The following NBEA variants were observed in gnomAD, a reference collection of about 807,000 sequenced individuals.
The protein encoded by NBEA is lysosomal-trafficking regulator 2.
In NBEA, 44 loss-of-function variants were observed where a neutral mutation model predicts 343.4. That is an observed-to-expected ratio of 0.13 (90% CI 0.10 to 0.16). The LOEUF (loss-of-function observed/expected upper bound fraction) is 0.16. NBEA is among the 10% of genes least tolerant of loss of function. NBEA has a pLI of 1.00. For synonymous variants in NBEA, 1,175 were observed against 1,238.7 expected, an observed-to-expected ratio of 0.95 and a Z score of 1.08; for missense variants, 2,555 against 3,631.3, an observed-to-expected ratio of 0.70 and a Z score of 7.62.
intron 1 of NBEA, among the ~76,000 whole-genome samples, chr13:34,958,526 C>A (rs186450004): frequency 0.047 from 7,121 of 151,918 alleles, 252 homozygotes; most frequent in Non-Finnish European, 0.069. Context: ...AAAATTGGGT[C>A]AGGATTTGAA....
intron 38 of NBEA, among the ~76,000 whole-genome samples, chr13:35,357,092 C>A (rs2040533066): frequency 6.6e-6 from 1 of 152,080 alleles, no homozygotes; most frequent in South Asian, 2.1e-4. Context: ...AATTGTTCAA[C>A]ACATAATTTA....
intron 28 of NBEA, among the ~76,000 whole-genome samples, chr13:35,181,036 GTATA>G (rs945114346): frequency 6.6e-6 from 1 of 151,682 alleles, no homozygotes. Context: ...ATGACATAGT[GTATA>G]TATATACCAC....
intron 1 of NBEA, among the ~76,000 whole-genome samples, chr13:34,969,724 C>T (rs1225170636): frequency 6.6e-6 from 1 of 151,468 alleles, no homozygotes; most frequent in African/African-American, 2.4e-5. Flanking sequence ...GACATTATCT[C>T]ATTCTTTTTT....
chr13:35,287,465 A>G (rs1197419978), intron 34 of NBEA, among the ~76,000 whole-genome samples: 2 of 151,948 alleles, frequency 1.3e-5, no homozygotes, highest in Admixed American at 6.6e-5. Context: ...TTCAATCTTA[A>G]TCTATCTTTG....
intron 38 of NBEA, among the ~76,000 whole-genome samples, chr13:35,426,563 C>G (rs961146515): frequency 6.6e-6 from 1 of 152,218 alleles, no homozygotes; most frequent in Non-Finnish European, 1.5e-5. Context: ...ACCTTTCTCT[C>G]TGGCTGCCCT....
chr13:35,496,778 A>T (rs1441017895), intron 41 of NBEA, among the ~76,000 whole-genome samples: 1 of 151,972 alleles, frequency 6.6e-6, no homozygotes, highest in Non-Finnish European at 1.5e-5. Flanking sequence ...TAATAACTGG[A>T]GCAGCTTGGT....
chr13:34,962,688 G>T (rs2059697979), intron 1 of NBEA, among the ~76,000 whole-genome samples: 2 of 151,924 alleles, frequency 1.3e-5, no homozygotes, highest in African/African-American at 4.8e-5. Flanking sequence ...ACTGCTTTTT[G>T]TGAGCTCTAT....
At chr13:35,158,781 G>T (rs117722098) in intron 21 of NBEA, among the ~76,000 whole-genome samples, 1 of 152,054 alleles carries the variant, frequency 6.6e-6, no homozygotes. Context: ...ATATTGCTGA[G>T]TTATCTGTGT....
At chr13:35,377,311 T>G (rs1005050094) in intron 38 of NBEA, among the ~76,000 whole-genome samples, 6 of 152,086 alleles carry the variant, frequency 3.9e-5, no homozygotes, top group Non-Finnish European at 8.8e-5. Flanking sequence ...TGTCTAGGGA[T>G]TGCAAAGGGA....
intron 45 of NBEA, among the ~76,000 whole-genome samples, chr13:35,580,287 C>T (rs767951332): frequency 2.6e-5 from 4 of 152,170 alleles, no homozygotes; most frequent in Admixed American, 1.3e-4. Context: ...GTGCGGAAGT[C>T]ACTGTATCCA....
At chr13:35,182,867 G>T (rs952332800) in intron 29 of NBEA, among the ~76,000 whole-genome samples, 1 of 151,844 alleles carries the variant, frequency 6.6e-6, no homozygotes, top group African/African-American at 2.4e-5. Flanking sequence ...AAAGTAGAAA[G>T]TCATTATAGA....
rs1171540838 is a variant in NBEA at position 35,382,482 on chromosome 13, T to C, written c.6179+30159T>C. Among the ~76,000 whole-genome samples, 5 of 152,266 alleles carry C rather than the reference T, an allele frequency of 3.3e-5. No homozygotes were observed. In the East Asian group the frequency reaches 9.6e-4, roughly 29 times the overall value. On this transcript the variant is annotated intron_variant, in intron 38 of 58. Coordinates refer to ENST00000379939, the MANE Select transcript of NBEA (RefSeq NM_001385012.1). Reference sequence around the variant, plus strand: ...CAAGCCATATAGATGAGAAACTCATTAACAGTTTTGTTGTTTTGGGGAGTA... The same window carrying C: ...CAAGCCATATAGATGAGAAACTCATCAACAGTTTTGTTGTTTTGGGGAGTA...
chr13:35,319,120 T>C (rs976110780), intron 36 of NBEA, among the ~76,000 whole-genome samples: 2 of 152,200 alleles, frequency 1.3e-5, no homozygotes, highest in African/African-American at 4.8e-5. Context: ...GCTCTGATCT[T>C]ATTTATTTCT....
intron 58 of NBEA, among the ~76,000 whole-genome samples, chr13:35,668,834 C>T (rs2085475350): frequency 6.6e-6 from 1 of 152,168 alleles, no homozygotes; most frequent in African/African-American, 2.4e-5. Context: ...TCAGACAGGC[C>T]ACCCTGGCTT....
At chr13:35,616,785 A>G (rs553588787) in intron 48 of NBEA, among the ~76,000 whole-genome samples, 1 of 152,342 alleles carries the variant, frequency 6.6e-6, no homozygotes, top group South Asian at 2.1e-4. Context: ...TTTACTCCTG[A>G]TACTAATATG....
At chr13:35,515,798 TGTGA>T (rs2077464808) in intron 41 of NBEA, among the ~76,000 whole-genome samples, 1 of 152,036 alleles carries the variant, frequency 6.6e-6, no homozygotes, top group African/African-American at 2.4e-5. Flanking sequence ...AAATGAAGGG[TGTGA>T]GTAATTAAAA....
chr13:35,363,418 A>G (rs938529012), intron 38 of NBEA, among the ~76,000 whole-genome samples: 1 of 151,838 alleles, frequency 6.6e-6, no homozygotes, highest in African/African-American at 2.4e-5. Flanking sequence ...AATGTACCCT[A>G]TCACTTTTAT....
intron 24 of NBEA, among the ~76,000 whole-genome samples, chr13:35,165,874 G>A (rs2069980898): frequency 6.6e-6 from 1 of 151,650 alleles, no homozygotes; most frequent in African/African-American, 2.4e-5. Context: ...TAGTAGTTAT[G>A]GGGTTTCACT....
intron 43 of NBEA, among the ~76,000 whole-genome samples, chr13:35,552,160 A>T (rs12323040): frequency 0.026 from 3,986 of 152,330 alleles, 178 homozygotes; most frequent in African/African-American, 0.09. Flanking sequence ...CACTGTATGG[A>T]TGGAAAGGAA....
Sources: gnomAD v4.1 joint callset for allele counts (sites outside exome capture counted in the v4.1 genomes callset) on GRCh38, gnomAD v4.1.1 for gene constraint, MANE v1.5 for transcripts, NCBI Gene and HGNC (gene_info 2026-07-23, HGNC 2026-07-21) for gene names.